PHACTR2: variants seen among roughly 807,000 people sequenced by gnomAD.
PHACTR2 encodes the protein chromosome 6 open reading frame 56.
Under a neutral mutation model 76.0 loss-of-function variants are expected in PHACTR2, and 30 were observed. The observed-to-expected ratio is 0.39, with a 90% CI of 0.30 to 0.54. The LOEUF (loss-of-function observed/expected upper bound fraction) is 0.54. PHACTR2 is among the 20% of genes least tolerant of loss of function. The pLI is 0.61. For synonymous variants in PHACTR2, 292 were observed against 292.5 expected, an observed-to-expected ratio of 1.00 and a Z score of 0.02; for missense variants, 696 against 781.1, an observed-to-expected ratio of 0.89 and a Z score of 1.30.
chr6:143,709,976 C>A lies in PHACTR2; in HGVS notation c.47-2040C>A, dbSNP rs1778136616. ...GGGGTATTAGGGGTCCTTTTCAGAG[C>A]CTCATGAGGGTGGAAATCTAGTAAC... On this transcript the variant is annotated intron_variant, in intron 1 of 12. Transcript: ENST00000440869. This position sits in a 1 kb window ranked among gnomAD's most constrained non-coding sequence, Gnocchi z 4.4. 1.3e-5 allele frequency among the ~76,000 whole-genome samples: 2 copies of A among 152,218 alleles called. No homozygotes were observed. Among genetic ancestry groups the A allele is most frequent in the South Asian group, 4.2e-4 (2 of 4,812 alleles).
At chr6:143,661,054 A>G (rs1394471843) in intron 1 of PHACTR2, among the ~76,000 whole-genome samples, 2 of 152,230 alleles carry the variant, frequency 1.3e-5, no homozygotes, top group Admixed American at 6.5e-5. Context: ...GTTTTCAGAT[A>G]CTAGCTATTT....
At chr6:143,773,573 T>C (rs1257491075) in intron 7 of PHACTR2, among the ~76,000 whole-genome samples, 1 of 151,822 alleles carries the variant, frequency 6.6e-6, no homozygotes, top group East Asian at 1.9e-4. Flanking sequence ...GTGTTACTTA[T>C]CATTTGTTGA....
At chr6:143,717,021 T>A (rs1778319005) in intron 2 of PHACTR2, among the ~76,000 whole-genome samples, 1 of 152,174 alleles carries the variant, frequency 6.6e-6, no homozygotes, top group South Asian at 2.1e-4. Flanking sequence ...AAAGTGTGAC[T>A]GGGTCTGCAT....
chr6:143,668,270 G>A (rs1438903989), intron 1 of PHACTR2, among the ~76,000 whole-genome samples: 2 of 152,102 alleles, frequency 1.3e-5, no homozygotes, highest in African/African-American at 2.4e-5. Flanking sequence ...TGCTGGATTC[G>A]GTTTGCCAGT....
chr6:143,730,397 C>A lies in PHACTR2; in HGVS notation c.214+18214C>A, dbSNP rs527943461. Among the ~76,000 whole-genome samples, 1 of 152,042 alleles carries A rather than the reference C, an allele frequency of 6.6e-6. No homozygotes were observed. The highest frequency in any genetic ancestry group is 2.4e-5 in the African/African-American group (1 of 41,484). On this transcript the variant is annotated intron_variant, in intron 2 of 12. Coordinates refer to ENST00000440869, the MANE Select transcript of PHACTR2 (RefSeq NM_001100164.2). This position sits in a 1 kb window ranked among gnomAD's most constrained non-coding sequence, Gnocchi z 4.8. The stretch of plus-strand genomic sequence containing the variant: ...GAAAACAGTTAATAAGTTTATACTT[C>A]AGTATTTGTTTTCTTTATTTTTTAG...
In PHACTR2 at chr6:143,716,696, C is replaced by A. The variant is rs549720937; in HGVS notation, c.214+4513C>A. 3.3e-5 allele frequency among the ~76,000 whole-genome samples: 5 copies of A among 152,256 alleles called. No individual in the cohort carries two copies. In the East Asian group the frequency reaches 9.7e-4, roughly 29 times the overall value. ...ATAGAGCTGATAAGTAGGACAGGAA[C>A]TTACCAAAGGACTCAGGACAGAAAC... On this transcript the variant is annotated intron_variant, in intron 2 of 12. Coordinates refer to ENST00000440869, the MANE Select transcript of PHACTR2 (RefSeq NM_001100164.2).
Position 143,653,562 on chromosome 6 carries a change from C to CT in PHACTR2, c.13+45241dup. 6.6e-6 allele frequency among the ~76,000 whole-genome samples: 1 copy of CT among 151,824 alleles called. No individual in the cohort carries two copies. The highest frequency in any genetic ancestry group is 1.5e-5 in the Non-Finnish European group (1 of 67,964). ...ATAGAATTGAGTCCAGAAATAAACT[C>CT]TCACATTTTTAGAAAATTGGTTGTC... On this transcript the variant is annotated intron_variant, in intron 1 of 11. Coordinates refer to the PHACTR2 transcript ENST00000305766. The surrounding 1 kb of genome is among the most constrained non-coding windows in gnomAD (Gnocchi z 4.9).
chr6:143,594,670 T>G (rs1775728016), intron 1 of PHACTR2, among the ~76,000 whole-genome samples: 1 of 152,212 alleles, frequency 6.6e-6, no homozygotes, highest in Non-Finnish European at 1.5e-5. Flanking sequence ...TTGATTATGG[T>G]CCAGGGAGCA....
rs770575841 is a variant in PHACTR2 at position 143,679,050 on chromosome 6, T to G, written c.46+841T>G. 2.2e-4 allele frequency among the ~76,000 whole-genome samples: 34 copies of G among 152,204 alleles called. No individual in the cohort carries two copies. Among genetic ancestry groups the G allele is most frequent in the Non-Finnish European group, 3.8e-4 (26 of 68,034 alleles). On this transcript the variant is annotated intron_variant, in intron 1 of 12. Transcript: ENST00000440869. This position sits in a 1 kb window ranked among gnomAD's most constrained non-coding sequence, Gnocchi z 4.6. ...ATCAACGATTAAAAATAAATAATAC[T>G]CGAAGGGACCGTTTATGTTACTCAT...
At chr6:143,642,445 G>A (rs948245128) in intron 1 of PHACTR2, among the ~76,000 whole-genome samples, 9 of 152,192 alleles carry the variant, frequency 5.9e-5, no homozygotes, top group African/African-American at 2.2e-4. Context: ...TATCTTCAGA[G>A]CTCTTAGAAG....
At chr6:143,728,153 T>C (rs758051170) in intron 2 of PHACTR2, among the ~76,000 whole-genome samples, 3 of 151,842 alleles carry the variant, frequency 2.0e-5, no homozygotes, top group Non-Finnish European at 2.9e-5. Flanking sequence ...CTTTTCTTTC[T>C]TTCATTCTTT....
Position 143,617,546 on chromosome 6 carries a change from C to T in PHACTR2, c.13+9224C>T. Among the ~76,000 whole-genome samples, 1 of 152,190 alleles carries T rather than the reference C, an allele frequency of 6.6e-6. No individual in the cohort carries two copies. On this transcript the variant is annotated intron_variant, in intron 1 of 11. Transcript: ENST00000305766. This position sits in a 1 kb window ranked among gnomAD's most constrained non-coding sequence, Gnocchi z 4.8. ...ACATTGGTGTTTGTTTAAAAGCTCC[C>T]CACTATATTCTAATGAGCCATGAGG...
chr6:143,823,559 T>C lies in PHACTR2; in HGVS notation c.1923-115T>C. The C allele has an allele frequency of 1.4e-6, 1 of 703,670 alleles. No individual in the cohort carries two copies. Among genetic ancestry groups the C allele is most frequent in the Non-Finnish European group, 2.6e-6 (1 of 386,256 alleles). The allele number at this position is 703,670 out of a possible 1,614,324, so 43.6% of individuals were successfully genotyped here. A position where few individuals can be genotyped will look rare whatever the true frequency, so the allele number is the denominator to read the frequency against. On this transcript the variant is annotated intron_variant, in intron 12 of 12. Coordinates refer to ENST00000440869, the MANE Select transcript of PHACTR2 (RefSeq NM_001100164.2). The surrounding 1 kb of genome is among the most constrained non-coding windows in gnomAD (Gnocchi z 5.7). ...CAGAAATTTGTAAACAGTAATTCAG[T>C]TGGGGGATATCTGGGGTACCTTTTC... is the stretch of plus-strand genomic sequence containing the variant.
Position 143,695,573 on chromosome 6 carries a change from A to G in PHACTR2, c.47-16443A>G, listed in dbSNP as rs1486067548. Among the ~76,000 whole-genome samples, 1 of 152,214 alleles carries G rather than the reference A, an allele frequency of 6.6e-6. No individual in the cohort carries two copies. Among genetic ancestry groups the G allele is most frequent in the East Asian group, 1.9e-4 (1 of 5,190 alleles). On this transcript the variant is annotated intron_variant, in intron 1 of 12. Transcript: ENST00000440869. The surrounding 1 kb of genome is among the most constrained non-coding windows in gnomAD (Gnocchi z 4.4). Reference sequence around the variant, plus strand: ...TTTCATTGCTGGGCACTGCAGTCCTAGAGGCAAAGGGAATGAGCATAAGGT... The same window carrying G: ...TTTCATTGCTGGGCACTGCAGTCCTGGAGGCAAAGGGAATGAGCATAAGGT...
At position 143,765,936 on chromosome 6, in the gene PHACTR2, C is replaced by A. The variant is rs1779554427; in HGVS notation, c.1232+138C>A. ...TTAGGTAGGCATACATGTGATCCAA[C>A]CATTGCTTTGTCAGAGCCCTGCCCT... On this transcript the variant is annotated intron_variant, in intron 6 of 12. Transcript: ENST00000440869. This position sits in a 1 kb window ranked among gnomAD's most constrained non-coding sequence, Gnocchi z 4.1. 1.4e-6 allele frequency: 1 copy of A among 734,228 alleles called. No homozygotes were observed. Among genetic ancestry groups the A allele is most frequent in the Admixed American group, 2.9e-5 (1 of 34,482 alleles). 45.5% of individuals were successfully genotyped at this position (734,228 alleles called of 1,614,324 possible).
intron 2 of PHACTR2, among the ~76,000 whole-genome samples, chr6:143,721,892 G>T (rs561826368): frequency 3.3e-5 from 5 of 152,134 alleles, no homozygotes; most frequent in Admixed American, 3.3e-4. Context: ...GGAGTCCACA[G>T]GGTGCCTGTG....
chr6:143,604,308 C>T (rs1775843653), upstream of PHACTR2, among the ~76,000 whole-genome samples: 1 of 152,114 alleles, frequency 6.6e-6, no homozygotes. Flanking sequence ...ACAGTTTACT[C>T]TTTTACTTCT....
At chr6:143,802,845 T>C (rs1775988900) in intron 11 of PHACTR2, among the ~76,000 whole-genome samples, 1 of 152,194 alleles carries the variant, frequency 6.6e-6, no homozygotes, top group Non-Finnish European at 1.5e-5. Flanking sequence ...GCTCTTGTAA[T>C]AAAACTATGA....
Position 143,730,129 on chromosome 6 carries a change from T to G in PHACTR2, c.214+17946T>G, listed in dbSNP as rs1287414952. Among the ~76,000 whole-genome samples the G allele has an allele frequency of 6.6e-6, 1 of 152,216 alleles. No individual in the cohort carries two copies. The highest frequency in any genetic ancestry group is 1.5e-5 in the Non-Finnish European group (1 of 68,020). ...CAACCTTATTCTTCATTTAAAATTG[T>G]TTTAACTAATCTAGTTTGTTTGGCT... is the stretch of plus-strand genomic sequence containing the variant. On this transcript the variant is annotated intron_variant, in intron 2 of 12. Coordinates refer to ENST00000440869, the MANE Select transcript of PHACTR2 (RefSeq NM_001100164.2). This position sits in a 1 kb window ranked among gnomAD's most constrained non-coding sequence, Gnocchi z 4.8.
Sources: gnomAD v4.1 joint callset for allele counts (sites outside exome capture counted in the v4.1 genomes callset) on GRCh38, gnomAD v4.1.1 for gene constraint, Gnocchi (gnomAD v3.1) non-coding constraint, MANE v1.5 for transcripts, NCBI Gene and HGNC (gene_info 2026-07-23, HGNC 2026-07-21) for gene names.